The following LMBRD2 variants were observed in gnomAD, a reference collection of about 807,000 sequenced individuals.
LMBRD2 encodes the protein G protein-coupled receptor-associated protein LMBRD2.
LMBRD2 carries 55 observed loss-of-function variants against 94.4 expected under a neutral mutation model. That is an observed-to-expected ratio of 0.58 (90% confidence interval 0.47 to 0.73). The LOEUF is 0.73. Among genes scored for constraint, LMBRD2 ranks in the 30% least tolerant of loss-of-function variants. The pLI is 0.00. For synonymous variants in LMBRD2, 246 were observed against 272.4 expected (o/e 0.90, Z 0.95); for missense variants, 640 against 831.9 (o/e 0.77, Z 2.84).
intron 1 of LMBRD2, 42 bp from the exon 2 acceptor site, chr5:36,143,448 G>GA: frequency 1.3e-6 from 1 of 791,394 alleles, no homozygotes; most frequent in Non-Finnish European, 2.0e-6. Context: ...ATTAACACAG[G>GA]AAATGACATT....
At position 36,104,081 on chromosome 5, in the gene LMBRD2, A is replaced by G; in HGVS notation, c.2053T>C (p.Ser685Pro). Residue 685 changes from serine to proline, a missense_variant, in exon 18 of 18, where the codon TCG (serine) becomes CCG (proline). By Grantham distance (74) the Ser-to-Pro change is moderately conservative. This residue lies in a region of LMBRD2 where 183 missense variants were observed against 189.1 expected (regional missense o/e 0.97). Coordinates refer to ENST00000296603, the MANE Select transcript of LMBRD2 (RefSeq NM_001007527.2). Reference protein sequence around the residue: ...GRYQPGGRYLSMSRSDIFNDV With the variant: ...GRYQPGGRYLPMSRSDIFNDV Reference sequence around the variant, plus strand: ...TTAAATATGTCACTGCGAGACATCGAGAGATATCGTCCACCAGGCTGATAC... The same window carrying G: ...TTAAATATGTCACTGCGAGACATCGGGAGATATCGTCCACCAGGCTGATAC... 6.2e-7 allele frequency: 1 copy of G among 1,610,874 alleles called. No individual in the cohort carries two copies. Among genetic ancestry groups the G allele is most frequent in the Non-Finnish European group, 8.5e-7 (1 of 1,177,784 alleles).
intron 6 of LMBRD2, among the ~76,000 whole-genome samples, chr5:36,132,381 T>C (rs190216332): frequency 6.6e-6 from 1 of 151,130 alleles, no homozygotes; most frequent in Admixed American, 6.6e-5. Flanking sequence ...GGAGAAACTC[T>C]CCAGGATATT....
chr5:36,106,858 T>G (rs1160082416), intron 16 of LMBRD2, among the ~76,000 whole-genome samples: 2 of 152,210 alleles, frequency 1.3e-5, no homozygotes, highest in Non-Finnish European at 2.9e-5. Flanking sequence ...TCCTCTCTTA[T>G]TAGCCTCCCC....
At chr5:36,132,497 G>T (rs1006384442) in intron 6 of LMBRD2, among the ~76,000 whole-genome samples, 3 of 151,630 alleles carry the variant, frequency 2.0e-5, no homozygotes, top group African/African-American at 7.3e-5. Flanking sequence ...CACAGCAAAG[G>T]AAACTATCAA....
chr5:36,134,161 A>C (rs990802759), intron 6 of LMBRD2, among the ~76,000 whole-genome samples: 5 of 152,144 alleles, frequency 3.3e-5, no homozygotes, highest in African/African-American at 1.2e-4. Context: ...TCATCATGGG[A>C]ATGTTGAATA....
intron 2 of LMBRD2, 47 bp downstream of exon 2, chr5:36,143,129 G>A (rs1226441948): frequency 3.9e-6 from 5 of 1,270,200 alleles, no homozygotes; most frequent in African/African-American, 1.5e-5. Flanking sequence ...CATGCTGTAT[G>A]ATTAAAATTT....
At position 36,151,846 on chromosome 5, in the gene LMBRD2, A is replaced by T. The variant is rs1744724916; in HGVS notation, c.-348T>A. 4.8e-6 allele frequency: 1 copy of T among 206,308 alleles called. No individual in the cohort carries two copies. 12.8% of individuals were successfully genotyped at this position (206,308 alleles called of 1,614,324 possible). Reference sequence around the variant, plus strand: ...CAGAAGGCCTGCGGGCTCCCGAGAAAGGAAAATCCGTCTACAGTCCAGCGG... The same window carrying T: ...CAGAAGGCCTGCGGGCTCCCGAGAATGGAAAATCCGTCTACAGTCCAGCGG... On this transcript the variant is annotated 5_prime_UTR_variant, in exon 1 of 18. Transcript: ENST00000296603. This position sits in a 1 kb window ranked among gnomAD's most constrained non-coding sequence, Gnocchi z 4.7.
At chr5:36,114,399 G>T in intron 13 of LMBRD2, 25 bp downstream of exon 13, 1 of 1,546,136 alleles carries the variant, frequency 6.5e-7, no homozygotes, top group Non-Finnish European at 8.6e-7. Context: ...AAGAGCAAAA[G>T]AAAAAACAAT....
At chr5:36,143,650 A>G (rs1245974089) in intron 1 of LMBRD2, among the ~76,000 whole-genome samples, 4 of 152,196 alleles carry the variant, frequency 2.6e-5, no homozygotes, top group East Asian at 1.9e-4. Context: ...AACAAAAATT[A>G]TTAGTTCTTA....
intron 2 of LMBRD2, 155 bp from the exon 3 acceptor site, chr5:36,142,754 T>C: frequency 2.1e-6 from 1 of 479,094 alleles, no homozygotes. Flanking sequence ...AGACAGAGTC[T>C]CACTCTGTCG....
chr5:36,114,717 A>G (rs1293494993), intron 12 of LMBRD2, among the ~76,000 whole-genome samples, 196 bp from the exon 13 acceptor site: 2 of 152,132 alleles, frequency 1.3e-5, no homozygotes, highest in African/African-American at 4.8e-5. Flanking sequence ...AAATTAATAT[A>G]ATTATTACTC....
Position 36,109,883 on chromosome 5 carries a change from G to T in LMBRD2, c.1791+62C>A. On this transcript the variant is annotated intron_variant, in intron 15 of 17. Transcript: ENST00000296603. ...TTAGCTAATTATTCCAAATTAGTAA[G>T]ATTCTTAAGAAATTAAATTTCAAAT... 1.6e-6 allele frequency: 2 copies of T among 1,215,210 alleles called. 1 individual carries two copies. The highest frequency in any genetic ancestry group is 2.7e-5 in the South Asian group (2 of 74,266). 75.3% of individuals were successfully genotyped at this position (1,215,210 alleles called of 1,614,324 possible).
intron 13 of LMBRD2, among the ~76,000 whole-genome samples, chr5:36,113,609 A>G (rs1010896736): frequency 2.6e-5 from 4 of 152,340 alleles, no homozygotes; most frequent in South Asian, 4.1e-4. Flanking sequence ...GTTAGTAGAT[A>G]TTATCTGTAA....
intron 11 of LMBRD2, among the ~76,000 whole-genome samples, chr5:36,115,671 T>C (rs1743723809): frequency 1.3e-5 from 2 of 152,152 alleles, no homozygotes; most frequent in African/African-American, 2.4e-5. Flanking sequence ...TTTGTGGTGA[T>C]AGAACTGTTC....
chr5:36,122,474 G>T lies in LMBRD2; in HGVS notation c.937-11C>A. The stretch of plus-strand genomic sequence containing the variant: ...AACTGAATAAATCACCTAAAAAAGA[G>T]AATGGGGGTAGACCTGGCAGTGTTC... On this transcript the variant is annotated splice_polypyrimidine_tract_variant and intron_variant, in intron 8 of 17. Coordinates refer to ENST00000296603, the MANE Select transcript of LMBRD2 (RefSeq NM_001007527.2). 1 of 1,607,688 alleles carries T rather than the reference G, an allele frequency of 6.2e-7. No homozygotes were observed. The highest frequency in any genetic ancestry group is 1.1e-5 in the South Asian group (1 of 90,074).
At position 36,116,506 on chromosome 5, in the gene LMBRD2, C is replaced by G; in HGVS notation, c.1390G>C (p.Ala464Pro). ...TAAGCATCAGTCTGGTGATGTGAGG[C>G]CAAATAATAATAGTTAAATACACGA... The part of the protein sequence containing the change: ...RIRVFNYYYL[A>P]SHHQTDAYSL... Residue 464 changes from alanine (A) to proline (P), a missense_variant, in exon 11 of 18, where the codon GCC becomes CCC. Physicochemically the swap from Ala to Pro is conservative, Grantham distance 27 (BLOSUM62 -1). This residue lies in a region of LMBRD2 where 457 missense variants were observed against 642.8 expected (regional missense o/e 0.71). Coordinates refer to ENST00000296603, the MANE Select transcript of LMBRD2 (RefSeq NM_001007527.2). 1 of 1,612,874 alleles carries G rather than the reference C, an allele frequency of 6.2e-7. No homozygotes were observed. Among genetic ancestry groups the G allele is most frequent in the Non-Finnish European group, 8.5e-7 (1 of 1,179,104 alleles).
chr5:36,150,705 G>A (rs961822284), intron 1 of LMBRD2, among the ~76,000 whole-genome samples: 1 of 152,194 alleles, frequency 6.6e-6, no homozygotes, highest in South Asian at 2.1e-4. Flanking sequence ...TCTGCACCTA[G>A]TTCCAATCAA....
Position 36,149,092 on chromosome 5 carries a change from A to G in LMBRD2, c.-58+2464T>C, listed in dbSNP as rs577906539. Reference sequence around the variant, plus strand: ...GCTGCCTATCTTAGAGCATTAAATTACAATGAATTAAAGATCTACTTAGTT... The same window carrying G: ...GCTGCCTATCTTAGAGCATTAAATTGCAATGAATTAAAGATCTACTTAGTT... On this transcript the variant is annotated intron_variant, in intron 1 of 17. Transcript: ENST00000296603. 8.5e-5 allele frequency among the ~76,000 whole-genome samples: 13 copies of G among 152,360 alleles called. No homozygotes were observed. The South Asian group carries it at 2.3e-3, about 27-fold the overall frequency.
chr5:36,142,753 C>T (rs1459595647), intron 2 of LMBRD2, 154 bp from the exon 3 acceptor site: 89 of 468,908 alleles, frequency 1.9e-4, no homozygotes, highest in Non-Finnish European at 2.9e-4. Context: ...GAGACAGAGT[C>T]TCACTCTGTC....
Sources: allele counts gnomAD v4.1 joint callset (sites outside exome capture counted in the v4.1 genomes callset), GRCh38; gene constraint gnomAD v4.1.1; regional missense constraint gnomAD v4.1.1; non-coding constraint Gnocchi (gnomAD v3.1); transcripts MANE v1.5; gene names NCBI Gene and HGNC (gene_info 2026-07-23, HGNC 2026-07-21).